The following GRIN2A variants were observed in gnomAD, a reference collection of about 807,000 sequenced individuals.
GRIN2A encodes the protein glutamate receptor ionotropic, NMDA 2A.
Under a neutral mutation model 113.4 loss-of-function variants are expected in GRIN2A, and 22 were observed. The observed-to-expected ratio is 0.19, with a 90% CI of 0.14 to 0.28. GRIN2A has a LOEUF of 0.28. GRIN2A is among the 10% of genes least tolerant of loss of function. The pLI, the probability that GRIN2A is intolerant of heterozygous loss-of-function variation, is 1.00. For synonymous variants in GRIN2A, 827 were observed against 738.4 expected, an observed-to-expected ratio of 1.12 and a Z score of -1.94; for missense variants, 1,502 against 1,887.0, an observed-to-expected ratio of 0.80 and a Z score of 3.78.
intron 2 of GRIN2A, among the ~76,000 whole-genome samples, chr16:10,054,654 T>C (rs944268195): frequency 6.6e-6 from 1 of 152,124 alleles, no homozygotes; most frequent in African/African-American, 2.4e-5. Flanking sequence ...TTTTTATACA[T>C]CCATAGGGTG....
intron 3 of GRIN2A, among the ~76,000 whole-genome samples, chr16:9,907,381 G>A (rs915147263): frequency 3.3e-5 from 5 of 152,172 alleles, no homozygotes; most frequent in African/African-American, 1.2e-4. Flanking sequence ...GTTACACACT[G>A]TATGATTCTA....
intron 2 of GRIN2A, among the ~76,000 whole-genome samples, chr16:9,989,381 A>G (rs1198719570): frequency 6.6e-6 from 1 of 151,970 alleles, no homozygotes; most frequent in African/African-American, 2.4e-5. Flanking sequence ...CTATATACAA[A>G]AATTAACCCA....
chr16:10,141,276 G>A (rs2049321889), intron 2 of GRIN2A, among the ~76,000 whole-genome samples: 1 of 151,866 alleles, frequency 6.6e-6, no homozygotes, highest in African/African-American at 2.4e-5. Flanking sequence ...GGATCATGAG[G>A]TCAGGAGTTC....
intron 3 of GRIN2A, chr16:9,937,695 G>A (rs2044744169): frequency 2.0e-6 from 1 of 499,760 alleles, no homozygotes; most frequent in African/African-American, 1.9e-5. Context: ...CAGACAGACA[G>A]ATCGATCAAT....
At chr16:10,148,611 C>T (rs1400993998) in intron 2 of GRIN2A, among the ~76,000 whole-genome samples, 1 of 152,166 alleles carries the variant, frequency 6.6e-6, no homozygotes, top group Non-Finnish European at 1.5e-5. Flanking sequence ...CTCTTCTCTG[C>T]GTCTTCCCCA....
chr16:10,181,214 C>T (rs2050265454), intron 1 of GRIN2A, among the ~76,000 whole-genome samples: 1 of 81,852 alleles, frequency 1.2e-5, no homozygotes, highest in South Asian at 4.1e-4. Flanking sequence ...CACACACGCA[C>T]ACACACATGT....
chr16:9,992,090 G>T (rs142120377), intron 2 of GRIN2A, among the ~76,000 whole-genome samples: 21 of 152,222 alleles, frequency 1.4e-4, no homozygotes, highest in African/African-American at 4.6e-4. Context: ...AAAAGATAAG[G>T]ACGTCAAGTT....
At chr16:9,830,238 A>G (rs1275147441) in intron 8 of GRIN2A, among the ~76,000 whole-genome samples, 2 of 152,236 alleles carry the variant, frequency 1.3e-5, no homozygotes, top group African/African-American at 4.8e-5. Flanking sequence ...AATTCTTCCA[A>G]CACTTCACAG....
At chr16:9,799,969 A>T (rs1272965112) in intron 10 of GRIN2A, among the ~76,000 whole-genome samples, 1 of 67,352 alleles carries the variant, frequency 1.5e-5, no homozygotes, top group African/African-American at 7.2e-5. Flanking sequence ...CCTAAATATT[A>T]TTATTATTAT....
chr16:10,000,274 CCTT>C (rs1043932890), intron 2 of GRIN2A, among the ~76,000 whole-genome samples: 18 of 152,172 alleles, frequency 1.2e-4, no homozygotes, highest in Non-Finnish European at 1.5e-4. Flanking sequence ...TTTGGTGAGT[CCTT>C]CTCGTACCAC....
intron 4 of GRIN2A, among the ~76,000 whole-genome samples, chr16:9,855,271 T>C (rs1241043083): frequency 6.6e-6 from 1 of 152,138 alleles, no homozygotes. Flanking sequence ...AATCACCAAA[T>C]AAAAACAACA....
chr16:10,031,396 G>A (rs2046926278), intron 2 of GRIN2A: 1 of 152,176 alleles, frequency 6.6e-6, no homozygotes. Flanking sequence ...ATATGCTCTA[G>A]TCTCTCGCCC....
At chr16:10,133,109 A>G (rs1472513282) in intron 2 of GRIN2A, among the ~76,000 whole-genome samples, 2 of 152,164 alleles carry the variant, frequency 1.3e-5, no homozygotes, top group Non-Finnish European at 2.9e-5. Context: ...TGAGGCTCTC[A>G]TCTCAAGATG....
chr16:9,853,309 C>A (rs1436558713), intron 4 of GRIN2A, among the ~76,000 whole-genome samples: 1 of 152,174 alleles, frequency 6.6e-6, no homozygotes, highest in East Asian at 1.9e-4. Flanking sequence ...GAAATCCTAA[C>A]CCCTAATGTG....
rs1267156561 is a variant in GRIN2A at position 9,761,294 on chromosome 16, C to A, written c.*1855G>T. ...AAAATAATACTTACAAAACAGAACG[C>A]ACACCATGAGGAGAAGAAATGGGAT... On this transcript the variant is annotated 3_prime_UTR_variant, in exon 13 of 13. Coordinates refer to ENST00000330684, the MANE Select transcript of GRIN2A (RefSeq NM_001134407.3). The A allele has an allele frequency of 2.6e-5, 6 of 229,506 alleles. No homozygotes were observed. The highest frequency in any genetic ancestry group is 5.2e-5 in the Non-Finnish European group (6 of 115,836). The allele number at this position is 229,506 out of a possible 1,614,324, so 14.2% of individuals were successfully genotyped here.
In GRIN2A at chr16:9,937,967, G is replaced by A. The variant is rs367591509; in HGVS notation, c.999C>T (p.Thr333=). Residue 333 remains threonine (T), a synonymous_variant, in exon 3 of 13, where the codon ACC becomes ACT. Transcript: ENST00000330684. Reference sequence around the variant, plus strand: ...AACAAGCCCTTTCTTACGGGTGCAAGGTGTGCATCGGGACCTCTGGCCTCT... The same window carrying A: ...AACAAGCCCTTTCTTACGGGTGCAAAGTGTGCATCGGGACCTCTGGCCTCT... ...QMERPEVPMH[T]LHPFMVNVTW... The A allele has an allele frequency of 6.2e-7, 1 of 1,611,896 alleles. No individual in the cohort carries two copies. Among genetic ancestry groups the A allele is most frequent in the Non-Finnish European group, 8.5e-7 (1 of 1,178,084 alleles).
intron 3 of GRIN2A, chr16:9,937,729 T>C (rs1055932785): frequency 1.8e-6 from 1 of 564,090 alleles, no homozygotes; most frequent in South Asian, 2.0e-5. Context: ...TTCCAAGATA[T>C]ATTGTTGAGT....
intron 2 of GRIN2A, among the ~76,000 whole-genome samples, chr16:10,013,958 G>A (rs1159158876): frequency 6.6e-6 from 1 of 152,202 alleles, no homozygotes; most frequent in Non-Finnish European, 1.5e-5. Flanking sequence ...CTACCAGTCT[G>A]GGTCAAGCTC....
chr16:10,064,124 G>A (rs1451407485), intron 2 of GRIN2A, among the ~76,000 whole-genome samples: 1 of 152,150 alleles, frequency 6.6e-6, no homozygotes, highest in Admixed American at 6.5e-5. Flanking sequence ...GTTCTCAATC[G>A]ATGTCTATAG....
Sources: allele counts gnomAD v4.1 joint callset (sites outside exome capture counted in the v4.1 genomes callset), GRCh38; gene constraint gnomAD v4.1.1; transcripts MANE v1.5; gene names NCBI Gene and HGNC (gene_info 2026-07-23, HGNC 2026-07-21).